The following DYM variants were observed in gnomAD, a reference collection of about 807,000 sequenced individuals.
DYM encodes dymeclin.
A neutral mutation model predicts 93.1 loss-of-function variants in DYM; 78 were observed. The ratio of observed to expected loss-of-function variants is 0.84; its 90% CI spans 0.70 to 1.01. The LOEUF is 1.01. Ranked by LOEUF, DYM falls within the 50% of genes least tolerant of loss-of-function variation. The probability of loss-of-function intolerance (pLI) is 0.00; values close to 1 mark genes in which losing one functional copy is unlikely to be tolerated. For synonymous variants in DYM, 321 were observed against 319.7 expected (o/e 1.00, Z -0.04); for missense variants, 789 against 845.0 (o/e 0.93, Z 0.82).
At chr18:49,438,734 T>C (rs1361206176) in intron 1 of DYM, among the ~76,000 whole-genome samples, 1 of 152,116 alleles carries the variant, frequency 6.6e-6, no homozygotes, top group Non-Finnish European at 1.5e-5. Context: ...ACAGGAGGAA[T>C]AAGTTCAGAC....
In DYM at chr18:49,094,001, G is replaced by A. The variant is rs2079318038; in HGVS notation, c.2025+3401C>T. ...ACTTTTAATTCCTATGACTTATCAA[G>A]TGTCTTGAGTAAATGAAGTTTGGTT... On this transcript the variant is annotated intron_variant, in intron 17 of 17. Transcript: ENST00000675505. Among the ~76,000 whole-genome samples the A allele has an allele frequency of 3.3e-5, 5 of 152,310 alleles. No individual in the cohort carries two copies. The South Asian group carries it at 1.0e-3, about 32-fold the overall frequency.
rs368330788 is a variant in DYM, at chr18:49,309,138, ATATC to A, written c.764-22526_764-22523del. On this transcript the variant is annotated intron_variant, in intron 8 of 17. Coordinates refer to ENST00000675505, the MANE Select transcript of DYM (RefSeq NM_001353214.3). Reference sequence around the variant, plus strand: ...CAGATTCAAATCCAGTATAATTTAAATATCTATGAAAGTTATCTCCAAGCCTGAC... The same window carrying A: ...CAGATTCAAATCCAGTATAATTTAAATATGAAAGTTATCTCCAAGCCTGAC... Among the ~76,000 whole-genome samples the A allele has an allele frequency of 3.4e-3, 523 of 152,326 alleles. 3 individuals are homozygous for A. The highest frequency in any genetic ancestry group is 0.012 in the African/African-American group (485 of 41,568).
At chr18:49,374,846 A>C (rs1165960755) in intron 5 of DYM, among the ~76,000 whole-genome samples, 2 of 152,042 alleles carry the variant, frequency 1.3e-5, no homozygotes, top group East Asian at 3.9e-4. Flanking sequence ...CTAATCCCAG[A>C]TACTTGGGAG....
intron 13 of DYM, among the ~76,000 whole-genome samples, chr18:49,223,679 A>AT (rs1340249924): frequency 6.6e-6 from 1 of 152,052 alleles, no homozygotes; most frequent in Non-Finnish European, 1.5e-5. Flanking sequence ...AATAGATGAG[A>AT]TTTTGCCTGA....
chr18:49,196,714 T>A (rs2091486181), intron 14 of DYM, among the ~76,000 whole-genome samples: 1 of 152,124 alleles, frequency 6.6e-6, no homozygotes, highest in Admixed American at 6.5e-5. Flanking sequence ...AAAGCACAAT[T>A]GATATGGCTA....
intron 13 of DYM, among the ~76,000 whole-genome samples, chr18:49,228,905 C>T (rs8099686): frequency 6.6e-5 from 10 of 152,042 alleles, no homozygotes; most frequent in Non-Finnish European, 1.0e-4. Flanking sequence ...GAAAAGGACA[C>T]AGGTTCTTAT....
At chr18:49,452,897 A>G (rs1431290754) in intron 1 of DYM, among the ~76,000 whole-genome samples, 3 of 134,106 alleles carry the variant, frequency 2.2e-5, no homozygotes, top group Non-Finnish European at 3.2e-5. Flanking sequence ...CTCTGTGTCT[A>G]GCTCAAGGTT....
chr18:49,412,648 C>T lies in DYM; in HGVS notation c.140+17607G>A, dbSNP rs1304154958. Among the ~76,000 whole-genome samples, 5 of 152,238 alleles carry T rather than the reference C, an allele frequency of 3.3e-5. No individual in the cohort carries two copies. In the East Asian group the frequency reaches 7.7e-4, roughly 23 times the overall value. On this transcript the variant is annotated intron_variant, in intron 2 of 17. Transcript: ENST00000675505. ...CAGAATTTAGAAGATGGTTTAGCAG[C>T]GATCCCAGGCCCACCTCTACAACAG...
At chr18:49,326,645 G>A (rs936095467) in intron 8 of DYM, among the ~76,000 whole-genome samples, 1 of 152,188 alleles carries the variant, frequency 6.6e-6, no homozygotes, top group African/African-American at 2.4e-5. Context: ...ACAGAAGGAA[G>A]AGAGGTGGAT....
At chr18:49,266,908 CAGA>C (rs756324676) in intron 11 of DYM, among the ~76,000 whole-genome samples, 5 of 151,666 alleles carry the variant, frequency 3.3e-5, no homozygotes, top group Non-Finnish European at 7.4e-5. Flanking sequence ...AGTGGAAAAG[CAGA>C]AGGATGTAAA....
intron 13 of DYM, among the ~76,000 whole-genome samples, chr18:49,256,706 T>C (rs544971783): frequency 6.6e-6 from 1 of 152,310 alleles, no homozygotes; most frequent in Non-Finnish European, 1.5e-5. Flanking sequence ...AAAATGCGCA[T>C]CAAATACATT....
intron 3 of DYM, among the ~76,000 whole-genome samples, chr18:49,385,210 T>G (rs1186803469): frequency 6.6e-6 from 1 of 152,228 alleles, no homozygotes; most frequent in African/African-American, 2.4e-5. Flanking sequence ...GAGCACACTC[T>G]TTCAGGAGAG....
At chr18:49,393,059 G>T (rs1458159816) in intron 2 of DYM, among the ~76,000 whole-genome samples, 1 of 134,026 alleles carries the variant, frequency 7.5e-6, no homozygotes, top group African/African-American at 2.7e-5. Flanking sequence ...AGGGGAGGAG[G>T]GGAGGAGGAG....
At chr18:49,310,883 C>G (rs2061550706) in intron 8 of DYM, among the ~76,000 whole-genome samples, 1 of 151,718 alleles carries the variant, frequency 6.6e-6, no homozygotes, top group African/African-American at 2.4e-5. Context: ...TTTCTAGTAG[C>G]CAACTAAAAA....
At chr18:49,414,929 T>A (rs571404145) in intron 2 of DYM, among the ~76,000 whole-genome samples, 6 of 152,302 alleles carry the variant, frequency 3.9e-5, no homozygotes, top group South Asian at 2.1e-4. Flanking sequence ...TTAAAAACAG[T>A]CCCTAGCAAC....
chr18:49,455,258 C>T (rs2082884987), intron 1 of DYM, among the ~76,000 whole-genome samples: 1 of 152,124 alleles, frequency 6.6e-6, no homozygotes, highest in Admixed American at 6.5e-5. Context: ...GTGTCAGTCC[C>T]GTTTATCTAA....
intron 14 of DYM, among the ~76,000 whole-genome samples, chr18:49,170,535 G>A (rs371139631): frequency 1.3e-4 from 20 of 151,970 alleles, no homozygotes; most frequent in African/African-American, 4.6e-4. Flanking sequence ...TAATCCCAGC[G>A]CTTTGGGAGG....
At chr18:49,165,305 T>C (rs1414339915) in intron 14 of DYM, among the ~76,000 whole-genome samples, 1 of 152,136 alleles carries the variant, frequency 6.6e-6, no homozygotes, top group Non-Finnish European at 1.5e-5. Flanking sequence ...ATATTAAATT[T>C]ATTGTATCAA....
At chr18:49,321,125 T>C in intron 8 of DYM, 3 of 356,296 alleles carry the variant, frequency 8.4e-6, no homozygotes, top group East Asian at 4.1e-5. Flanking sequence ...TCTCAAAAAA[T>C]AGAATTCCAT....
Sources: gnomAD v4.1 joint callset for allele counts (sites outside exome capture counted in the v4.1 genomes callset) on GRCh38, gnomAD v4.1.1 for gene constraint, MANE v1.5 for transcripts, NCBI Gene and HGNC (gene_info 2026-07-23, HGNC 2026-07-21) for gene names.